RIPK3: variants seen among roughly 807,000 people sequenced by gnomAD.
The protein encoded by RIPK3 is receptor interacting serine/threonine kinase 3, also known as receptor-interacting serine/threonine-protein kinase 3.
Under a neutral mutation model 51.6 loss-of-function variants are expected in RIPK3, and 51 were observed. The observed-to-expected ratio is 0.99, with a 90% confidence interval of 0.79 to 1.25. The LOEUF (loss-of-function observed/expected upper bound fraction) is 1.25, where lower values mean the gene tolerates loss of function less well. Ranked by LOEUF, RIPK3 falls within the 50% of genes most tolerant of loss-of-function variation. The pLI, the probability that RIPK3 is intolerant of heterozygous loss-of-function variation, is 0.00. For missense variants in RIPK3, 654 were observed against 650.4 expected, an observed-to-expected ratio of 1.01 and a Z score of -0.06; for synonymous variants, 246 against 257.7, an observed-to-expected ratio of 0.95 and a Z score of 0.44.
chr14:24,336,614 T>C lies in RIPK3; in HGVS notation c.1337-219A>G, dbSNP rs191118658. ...TGATCTTTTTTGCTGGGAGGTCCTCTGGACTGCTGAAACAATGGAACTTAG... is the reference window on the plus strand; with the variant it reads ...TGATCTTTTTTGCTGGGAGGTCCTCCGGACTGCTGAAACAATGGAACTTAG... On this transcript the variant is annotated intron_variant, in intron 9 of 9. Transcript: ENST00000216274. 1.0e-3 allele frequency: 729 copies of C among 712,178 alleles called. 6 individuals carry two copies. In the Middle Eastern group the frequency reaches 0.014, roughly 14 times the overall value. The allele number at this position is 712,178 out of a possible 1,614,324, so 44.1% of individuals were successfully genotyped here. A position where few individuals can be genotyped will look rare whatever the true frequency, so the allele number is the denominator to read the frequency against.
In RIPK3 at chr14:24,337,873, C is replaced by T. The variant is rs2042151263; in HGVS notation, c.832G>A (p.Glu278Lys). The T allele has an allele frequency of 1.9e-6, 3 of 1,613,868 alleles. No individual in the cohort carries two copies. Among genetic ancestry groups the T allele is most frequent in the Non-Finnish European group, 8.5e-7 (1 of 1,179,768 alleles). Residue 278 changes from glutamate (E) to lysine (K), a missense_variant and splice_region_variant, in exon 6 of 10, where the codon GAA becomes AAA. Glu to Lys is a moderately conservative substitution (Grantham distance 56). Transcript: ENST00000216274. ...SEPKDRPSFQECLPKTDEVFQ... is the reference protein window; with the variant it reads ...SEPKDRPSFQKCLPKTDEVFQ... ...AGATCCAGCTAACTGGCCAGCTCAC[C>T]CTGGAAGGAGGGTCTGTCCTTGGGC...
At position 24,336,070 on chromosome 14, in the gene RIPK3, GT is replaced by G; in HGVS notation, c.*104del. The G allele has an allele frequency of 3.5e-6, 4 of 1,159,218 alleles. No homozygotes were observed. The highest frequency in any genetic ancestry group is 4.8e-6 in the Non-Finnish European group (4 of 824,934). 71.8% of individuals were successfully genotyped at this position (1,159,218 alleles called of 1,614,324 possible). A position where few individuals can be genotyped will look rare whatever the true frequency, so the allele number is the denominator to read the frequency against. On this transcript the variant is annotated 3_prime_UTR_variant, in exon 10 of 10. Coordinates refer to ENST00000216274, the MANE Select transcript of RIPK3 (RefSeq NM_006871.4). ...TGACTCCTGGGGGACAGGTCACAAAGTCAGTTTGTGGGCAGGCCAGACTGCC... is the reference window on the plus strand; with the variant it reads ...TGACTCCTGGGGGACAGGTCACAAAGCAGTTTGTGGGCAGGCCAGACTGCC...
At chr14:24,336,564 G>C (rs1325315587) in intron 9 of RIPK3, 169 bp from the exon 10 acceptor site, 1 of 986,756 alleles carries the variant, frequency 1.0e-6, no homozygotes, top group African/African-American at 1.6e-5. Context: ...AAGCTCTAGA[G>C]AGTGGCAATT....
rs1351853850 is a variant in RIPK3 at position 24,337,792 on chromosome 14, G to T, written c.833-30C>A. The T allele has an allele frequency of 8.1e-6, 13 of 1,613,900 alleles. No homozygotes were observed. The East Asian group carries it at 2.7e-4, about 33-fold the overall frequency. ...AGGGACAGCAGAGTGGAGTGCAGGT[G>T]AGCAAATCTTCTTTTCCTGAGAAAA... On this transcript the variant is annotated intron_variant, in intron 6 of 9. Transcript: ENST00000216274.
chr14:24,339,430 C>A lies in RIPK3; in HGVS notation c.161+27G>T, dbSNP rs201663347. 3.1e-6 allele frequency: 5 copies of A among 1,613,876 alleles called. No individual in the cohort carries two copies. The highest frequency in any genetic ancestry group is 4.2e-6 in the Non-Finnish European group (5 of 1,179,916). ...TGGCTCCACCTTTTTGGCCAGATTG[C>A]GGCTGGGGTCAACCGGGGTCACTCA... is the stretch of plus-strand genomic sequence containing the variant. On this transcript the variant is annotated intron_variant, in intron 2 of 9. Coordinates refer to ENST00000216274, the MANE Select transcript of RIPK3 (RefSeq NM_006871.4). The surrounding 1 kb of genome is among the most constrained non-coding windows in gnomAD (Gnocchi z 4.0).
intron 7 of RIPK3, 44 bp downstream of exon 7, chr14:24,337,650 GC>G: frequency 6.5e-7 from 1 of 1,549,948 alleles, no homozygotes; most frequent in Non-Finnish European, 8.9e-7. Flanking sequence ...GCCACGCTGT[GC>G]CATCCCTGAC....
At chr14:24,336,772 A>C (rs1356487901) in intron 9 of RIPK3, 113 bp downstream of exon 9, 1 of 1,006,726 alleles carries the variant, frequency 9.9e-7, no homozygotes, top group Non-Finnish European at 1.6e-6. Flanking sequence ...AGGTTGAGTT[A>C]GATCATCTTC....
At position 24,339,879 on chromosome 14, in the gene RIPK3, A is replaced by T; in HGVS notation, c.-53T>A. 6.5e-7 allele frequency: 1 copy of T among 1,535,646 alleles called. No individual in the cohort carries two copies. The highest frequency in any genetic ancestry group is 8.7e-7 in the Non-Finnish European group (1 of 1,144,568). ...GGAAATTGCGAGCCGTAGGAGATGGAGTGACTTCTGGGGCTTGGTCCTTTC... is the reference window on the plus strand; with the variant it reads ...GGAAATTGCGAGCCGTAGGAGATGGTGTGACTTCTGGGGCTTGGTCCTTTC... On this transcript the variant is annotated 5_prime_UTR_variant, in exon 1 of 10. Transcript: ENST00000216274. This position sits in a 1 kb window ranked among gnomAD's most constrained non-coding sequence, Gnocchi z 4.0.
chr14:24,338,291 C>T lies in RIPK3; in HGVS notation c.622G>A (p.Gly208Arg), dbSNP rs866880250. The change falls in exon 5 of 10, where the codon GGG (glycine) becomes AGG (arginine). Residue 208 changes from glycine to arginine, a missense_variant. Coordinates refer to ENST00000216274, the MANE Select transcript of RIPK3 (RefSeq NM_006871.4). ...ASTASDVYSF[G>R]ILMWAVLAGR... ...GCAAGCACTGCCCACATTAGGATCC[C>T]GAAGCTGCAGGAGACACAAAGCTGA... The T allele has an allele frequency of 3.9e-6, 6 of 1,524,142 alleles. No homozygotes were observed. The African/African-American group carries it at 4.2e-5, about 11-fold the overall frequency. The allele number at this position is 1,524,142 out of a possible 1,614,324, so 94.4% of individuals were successfully genotyped here. A position where few individuals can be genotyped will look rare whatever the true frequency, so the allele number is the denominator to read the frequency against.
Position 24,336,953 on chromosome 14 carries a change from C to G in RIPK3, c.1276-8G>C. 6.2e-7 allele frequency: 1 copy of G among 1,613,368 alleles called. No homozygotes were observed. The highest frequency in any genetic ancestry group is 8.5e-7 in the Non-Finnish European group (1 of 1,179,494). ...GCCTTGTCTCTCAGCCCCCTGCAAA[C>G]AGCACAGAGCATCCAGTTCTGCCCT... is the stretch of plus-strand genomic sequence containing the variant. On this transcript the variant is annotated splice_polypyrimidine_tract_variant and splice_region_variant and intron_variant, in intron 8 of 9. Coordinates refer to ENST00000216274, the MANE Select transcript of RIPK3 (RefSeq NM_006871.4).
At chr14:24,337,666 T>C in intron 7 of RIPK3, 29 bp downstream of exon 7, 1 of 1,576,448 alleles carries the variant, frequency 6.3e-7, no homozygotes, top group South Asian at 1.1e-5. Flanking sequence ...CCTGACCAGC[T>C]CCTGGGGAGG....
chr14:24,337,960 C>T lies in RIPK3; in HGVS notation c.745G>A (p.Gly249Arg), dbSNP rs747014964. ...RPSLAELPQA[G>R]PETPGLEGLK... ...CCTTCTAAGCCGGGAGTCTCAGGCC[C>T]GGCTTGGGGCAGCTCAGCCAATGAA... Residue 249 changes from glycine (G) to arginine (R), a missense_variant, in exon 6 of 10, where the codon GGG (glycine) becomes AGG (arginine). By Grantham distance (125) the Gly-to-Arg change is moderately radical. Transcript: ENST00000216274. 26 of 1,614,072 alleles carry T rather than the reference C, an allele frequency of 1.6e-5. 1 individual carries two copies. Among genetic ancestry groups the T allele is most frequent in the Middle Eastern group, 1.6e-4 (1 of 6,084 alleles).
chr14:24,336,757 T>C (rs751049154), intron 9 of RIPK3, 128 bp downstream of exon 9: 12 of 929,448 alleles, frequency 1.3e-5, no homozygotes, highest in Middle Eastern at 2.1e-4. Flanking sequence ...ATTTATGAAA[T>C]GAGAAGGTTG....
chr14:24,338,710 G>T (rs906557954), intron 3 of RIPK3, 143 bp from the exon 4 acceptor site: 11 of 1,185,878 alleles, frequency 9.3e-6, no homozygotes, highest in East Asian at 7.5e-5. Flanking sequence ...TTGGATGGTA[G>T]ATCTAGGTGC....
chr14:24,339,855 G>C lies in RIPK3; in HGVS notation c.-29C>G. The C allele has an allele frequency of 6.5e-7, 1 of 1,546,632 alleles. No homozygotes were observed. The highest frequency in any genetic ancestry group is 1.3e-5 in the South Asian group (1 of 78,892). ...GCTGGAAGGTGCCAGGGGGCCTCTG[G>C]AAATTGCGAGCCGTAGGAGATGGAG... is the stretch of plus-strand genomic sequence containing the variant. On this transcript the variant is annotated 5_prime_UTR_variant, in exon 1 of 10. Coordinates refer to ENST00000216274, the MANE Select transcript of RIPK3 (RefSeq NM_006871.4). The surrounding 1 kb of genome is among the most constrained non-coding windows in gnomAD (Gnocchi z 4.0).
rs1040561964 is a variant in RIPK3 at position 24,339,745 on chromosome 14, T to C, written c.20+62A>G. 143 of 1,564,684 alleles carry C rather than the reference T, an allele frequency of 9.1e-5. No individual in the cohort carries two copies. The highest frequency in any genetic ancestry group is 1.2e-4 in the Non-Finnish European group (141 of 1,154,942). On this transcript the variant is annotated intron_variant, in intron 1 of 9. Coordinates refer to ENST00000216274, the MANE Select transcript of RIPK3 (RefSeq NM_006871.4). This position sits in a 1 kb window ranked among gnomAD's most constrained non-coding sequence, Gnocchi z 4.0. The stretch of plus-strand genomic sequence containing the variant: ...GACTCAAAGACGTTCTCTGAGCGAG[T>C]CTGTGGGGCTCTCTGGGTGTGAATG...
At position 24,336,370 on chromosome 14, in the gene RIPK3, G is replaced by C. The variant is rs750042176; in HGVS notation, c.1362C>G (p.Asn454Lys). ...TGTCTCCAACTTGCACCCCAGAGCA[G>C]TTGTATATGTTAACGAGCGGTCGCC... ...VTGRPLVNIY[N>K]CSGVQVGDNN... The change falls in exon 10 of 10, where the codon AAC becomes AAG. Residue 454 changes from asparagine to lysine, a missense_variant. Physicochemically the swap from Asn to Lys is moderately conservative, Grantham distance 94. Transcript: ENST00000216274. The C allele has an allele frequency of 6.2e-7, 1 of 1,613,768 alleles. No homozygotes were observed. The highest frequency in any genetic ancestry group is 1.7e-5 in the Admixed American group (1 of 60,028).
chr14:24,339,032 G>C lies in RIPK3; in HGVS notation c.454C>G (p.Pro152Ala). 6.2e-7 allele frequency: 1 copy of C among 1,613,998 alleles called. No individual in the cohort carries two copies. The highest frequency in any genetic ancestry group is 8.5e-7 in the Non-Finnish European group (1 of 1,179,836). Residue 152 changes from proline (P) to alanine (A), a missense_variant, in exon 3 of 10, where the codon CCA (proline) becomes GCA (alanine). By Grantham distance (27) the Pro-to-Ala change is conservative (BLOSUM62 -1). Coordinates refer to ENST00000216274, the MANE Select transcript of RIPK3 (RefSeq NM_006871.4). This position sits in a 1 kb window ranked among gnomAD's most constrained non-coding sequence, Gnocchi z 4.0. ...CAGCTGACCTTGACGTGCAGCTCTGGGTCCAGCAGGACGTTGGATGGCTTG... is the reference window on the plus strand; with the variant it reads ...CAGCTGACCTTGACGTGCAGCTCTGCGTCCAGCAGGACGTTGGATGGCTTG... ...DLKPSNVLLD[P>A]ELHVKLADFG...
chr14:24,337,268 AT>A lies in RIPK3; in HGVS notation c.1092del (p.Lys364AsnfsTer69). The A allele has an allele frequency of 6.2e-7, 1 of 1,614,008 alleles. No individual in the cohort carries two copies. On this transcript the variant is annotated frameshift_variant, in exon 8 of 10. Coordinates refer to ENST00000216274, the MANE Select transcript of RIPK3 (RefSeq NM_006871.4). LOFTEE classifies it high-confidence loss of function. ...LEEPPSSVPKKCPSLTKRSRA... is the reference protein window; with the variant it reads ...LEEPPSSVPKXCPSLTKRSRA... ...CTGCTCCTCTTGGTAAGGCTCGGGC[AT>A]TTTTTAGGAACAGAGCTGGGAGGCT...
Sources: allele counts gnomAD v4.1 joint callset, GRCh38; gene constraint gnomAD v4.1.1; non-coding constraint Gnocchi (gnomAD v3.1); transcripts MANE v1.5; gene names NCBI Gene and HGNC (gene_info 2026-07-23, HGNC 2026-07-21).